Variants in GALNT17 observed in about 807,000 individuals in gnomAD.
The protein encoded by GALNT17 is polypeptide N-acetylgalactosaminyltransferase 17, also known as UDP-GalNAc:polypeptide N-acetylgalactosaminyltransferase-like 3.
In GALNT17, 29 loss-of-function variants were observed where a neutral mutation model predicts 63.7. That is an observed-to-expected ratio of 0.46 (90% CI 0.34 to 0.62). GALNT17 has a LOEUF of 0.62. Among genes scored for constraint, GALNT17 ranks in the 20% least tolerant of loss-of-function variants. GALNT17 has a pLI of 0.01. For synonymous variants in GALNT17, 305 were observed against 318.3 expected (o/e 0.96, Z 0.45); for missense variants, 603 against 799.6 (o/e 0.75, Z 2.97).
chr7:71,449,756 G>A (rs1787225182), intron 5 of GALNT17, among the ~76,000 whole-genome samples: 1 of 151,944 alleles, frequency 6.6e-6, no homozygotes, highest in Non-Finnish European at 1.5e-5. Context: ...TTAATCGATT[G>A]TCTAACCGGG....
chr7:71,318,596 T>C (rs1217156820), intron 1 of GALNT17, among the ~76,000 whole-genome samples: 1 of 151,886 alleles, frequency 6.6e-6, no homozygotes, highest in African/African-American at 2.4e-5. Context: ...AGTTTTTTTT[T>C]CTTTTGTATT....
chr7:71,698,970 G>A (rs997398613), intron 9 of GALNT17, among the ~76,000 whole-genome samples: 10 of 151,032 alleles, frequency 6.6e-5, no homozygotes, highest in South Asian at 4.2e-4. Context: ...TCAGGAGTTC[G>A]AGACCAGCCT....
rs140668592 is a variant in GALNT17, at chr7:71,572,332, A to G, written c.1080+930A>G. Among the ~76,000 whole-genome samples the G allele has an allele frequency of 2.2e-3, 326 of 151,570 alleles. 3 individuals carry two copies. Among genetic ancestry groups the G allele is most frequent in the African/African-American group, 7.6e-3 (316 of 41,324 alleles). The stretch of plus-strand genomic sequence containing the variant: ...GCCTGGGTGACATAACAAAACCACC[A>G]TCTCCACAAAAGATAAAAAATTAGC... On this transcript the variant is annotated intron_variant, in intron 6 of 10. Transcript: ENST00000333538.
chr7:71,558,074 A>AAAAAC (rs984630261), intron 5 of GALNT17, among the ~76,000 whole-genome samples: 2 of 152,160 alleles, frequency 1.3e-5, no homozygotes, highest in Admixed American at 6.5e-5. Context: ...ACTCTGTCTC[A>AAAAAC]AAAACAAAAC....
intron 1 of GALNT17, among the ~76,000 whole-genome samples, chr7:71,293,276 C>T (rs999766300): frequency 5.9e-5 from 9 of 152,168 alleles, no homozygotes; most frequent in African/African-American, 2.2e-4. Flanking sequence ...GGGGGAACCA[C>T]TATACTGTTT....
In GALNT17 at chr7:71,549,955, G is replaced by A. The variant is rs772775750; in HGVS notation, c.963-21330G>A. On this transcript the variant is annotated intron_variant, in intron 5 of 10. Transcript: ENST00000333538. ...AATAACCATGTTTCAACCTAAAACC[G>A]TCTCCTGCTTGTCTTTCAATGCACA... Among the ~76,000 whole-genome samples, 91 of 151,296 alleles carry A rather than the reference G, an allele frequency of 6.0e-4. 2 individuals carry two copies. Among genetic ancestry groups the A allele is most frequent in the Admixed American group, 1.9e-3 (28 of 15,128 alleles).
chr7:71,335,653 C>G lies in GALNT17; in HGVS notation c.342C>G (p.Pro114=). 1 of 1,613,590 alleles carries G rather than the reference C, an allele frequency of 6.2e-7. No individual in the cohort carries two copies. Among genetic ancestry groups the G allele is most frequent in the Non-Finnish European group, 8.5e-7 (1 of 1,179,734 alleles). ...CTGAAGAAGAAAAGGCTAAGGGACCCCATGAGAAGTATGGCTACAATTCAT... is the reference window on the plus strand; with the variant it reads ...CTGAAGAAGAAAAGGCTAAGGGACCGCATGAGAAGTATGGCTACAATTCAT... ...SPAEEEKAKG[P]HEKYGYNSYL... Residue 114 remains proline, a synonymous_variant, in exon 2 of 11, where the codon CCC becomes CCG. Transcript: ENST00000333538.
In GALNT17 at chr7:71,441,935, A is replaced by G. The variant is rs138570946; in HGVS notation, c.962+20830A>G. Among the ~76,000 whole-genome samples the G allele has an allele frequency of 3.8e-3, 580 of 152,254 alleles. 3 individuals carry two copies. Among genetic ancestry groups the G allele is most frequent in the African/African-American group, 0.013 (534 of 41,540 alleles). ...CTTTGCTATTGTAAATAGTGCTGCA[A>G]TAAACGTATGTGTGTGTGTGTGTCT... On this transcript the variant is annotated intron_variant, in intron 5 of 10. Transcript: ENST00000333538.
chr7:71,533,526 C>G (rs1215041517), intron 5 of GALNT17, among the ~76,000 whole-genome samples: 1 of 151,826 alleles, frequency 6.6e-6, no homozygotes, highest in Non-Finnish European at 1.5e-5. Context: ...CTGTTTTCCA[C>G]TTTAACAGCT....
At chr7:71,677,691 ATT>A (rs1325340225) in intron 9 of GALNT17, among the ~76,000 whole-genome samples, 1 of 151,512 alleles carries the variant, frequency 6.6e-6, no homozygotes, top group Admixed American at 6.6e-5. Flanking sequence ...ATTTTTTTGT[ATT>A]TTTAGTAGAG....
chr7:71,369,714 G>C (rs185892814), intron 2 of GALNT17, among the ~76,000 whole-genome samples: 118 of 150,844 alleles, frequency 7.8e-4, no homozygotes, highest in African/African-American at 2.8e-3. Flanking sequence ...TCGGGAGGCT[G>C]CGACACAAGA....
chr7:71,460,828 G>A (rs560543958), intron 5 of GALNT17, among the ~76,000 whole-genome samples: 23 of 152,262 alleles, frequency 1.5e-4, no homozygotes, highest in African/African-American at 4.3e-4. Flanking sequence ...CTGTCATGGC[G>A]CTGGTGGGAG....
chr7:71,259,638 G>GTTTTTTTTTTTTTTTTTTTTTTT (rs1219751607), intron 1 of GALNT17, among the ~76,000 whole-genome samples: 3 of 137,970 alleles, frequency 2.2e-5, no homozygotes, highest in African/African-American at 2.9e-5. Context: ...TTTGTTTTTT[G>GTTTTTTTTTTTTTTTTTTTTTTT]TTTTTTTGTT....
chr7:71,393,035 C>A (rs566459410), intron 3 of GALNT17, among the ~76,000 whole-genome samples: 1 of 152,118 alleles, frequency 6.6e-6, no homozygotes, highest in Middle Eastern at 3.4e-3. Flanking sequence ...TTTTTTAAGT[C>A]TTTTTGATAA....
chr7:71,471,258 G>T (rs75084897), intron 5 of GALNT17, among the ~76,000 whole-genome samples: 1 of 151,648 alleles, frequency 6.6e-6, no homozygotes, highest in Non-Finnish European at 1.5e-5. Flanking sequence ...TGTACTTGTC[G>T]TAGAGAAAGG....
At chr7:71,474,678 C>G (rs1037465519) in intron 5 of GALNT17, among the ~76,000 whole-genome samples, 1 of 152,110 alleles carries the variant, frequency 6.6e-6, no homozygotes, top group African/African-American at 2.4e-5. Flanking sequence ...TTACAAGAGT[C>G]ATTTGCGGTG....
At chr7:71,426,409 G>C (rs1268639740) in intron 5 of GALNT17, among the ~76,000 whole-genome samples, 1 of 152,204 alleles carries the variant, frequency 6.6e-6, no homozygotes, top group Non-Finnish European at 1.5e-5. Flanking sequence ...GCTGTCTTAA[G>C]CTCTGATTGT....
chr7:71,581,234 A>G (rs1789631328), intron 6 of GALNT17, among the ~76,000 whole-genome samples: 1 of 152,132 alleles, frequency 6.6e-6, no homozygotes, highest in South Asian at 2.1e-4. Context: ...ATCTCAGCTC[A>G]CTATAACCTC....
intron 5 of GALNT17, among the ~76,000 whole-genome samples, chr7:71,475,958 A>G (rs186820612): frequency 1.1e-4 from 16 of 151,932 alleles, no homozygotes; most frequent in Non-Finnish European, 1.5e-4. Context: ...GCATTACTAT[A>G]TAAATTTTAG....
Sources: allele counts gnomAD v4.1 joint callset (sites outside exome capture counted in the v4.1 genomes callset), GRCh38; gene constraint gnomAD v4.1.1; transcripts MANE v1.5; gene names NCBI Gene and HGNC (gene_info 2026-07-23, HGNC 2026-07-21).